MAPK4: variants seen among roughly 807,000 people sequenced by gnomAD.
The protein encoded by MAPK4 is mitogen-activated protein kinase 4.
In MAPK4, 22 loss-of-function variants were observed where a neutral mutation model predicts 47.7. The observed-to-expected ratio is 0.46, with a 90% confidence interval of 0.33 to 0.66. MAPK4 has a LOEUF of 0.66. Among genes scored for constraint, MAPK4 ranks in the 30% least tolerant of loss-of-function variants. The pLI is 0.02. For missense variants in MAPK4, 736 were observed against 831.7 expected, an observed-to-expected ratio of 0.88 and a Z score of 1.42; for synonymous variants, 390 against 365.7, an observed-to-expected ratio of 1.07 and a Z score of -0.76.
At chr18:50,629,084 G>C (rs751587633) in intron 1 of MAPK4, among the ~76,000 whole-genome samples, 24 of 152,182 alleles carry the variant, frequency 1.6e-4, no homozygotes, top group Non-Finnish European at 3.1e-4. Flanking sequence ...GCTTGACTTC[G>C]TTCTTTCTGC....
At chr18:50,712,095 T>A (rs982655195) in intron 2 of MAPK4, among the ~76,000 whole-genome samples, 1 of 152,192 alleles carries the variant, frequency 6.6e-6, no homozygotes, top group African/African-American at 2.4e-5. Flanking sequence ...CCTTCCCAAA[T>A]TCTTCTCAGC....
At chr18:50,586,113 C>T (rs1298440246) in intron 1 of MAPK4, among the ~76,000 whole-genome samples, 1 of 152,188 alleles carries the variant, frequency 6.6e-6, no homozygotes, top group Non-Finnish European at 1.5e-5. Flanking sequence ...ACAGGGACAT[C>T]TTATATCCAT....
At chr18:50,660,510 A>G (rs1373034683) in intron 1 of MAPK4, among the ~76,000 whole-genome samples, 1 of 152,192 alleles carries the variant, frequency 6.6e-6, no homozygotes, top group Admixed American at 6.5e-5. Flanking sequence ...TCTATGCTCT[A>G]CTTTGTGCCC....
At chr18:50,652,159 C>T (rs1179080123) in intron 1 of MAPK4, among the ~76,000 whole-genome samples, 1 of 152,186 alleles carries the variant, frequency 6.6e-6, no homozygotes, top group Non-Finnish European at 1.5e-5. Context: ...GCGGCAGGAC[C>T]AGAATCCAGG....
At chr18:50,660,647 G>A (rs2043160845) in intron 1 of MAPK4, among the ~76,000 whole-genome samples, 2 of 152,210 alleles carry the variant, frequency 1.3e-5, no homozygotes, top group Non-Finnish European at 2.9e-5. Context: ...CAGGAGTTTA[G>A]AAAAGGGAGA....
chr18:50,684,615 A>G (rs1236126725), intron 2 of MAPK4, among the ~76,000 whole-genome samples: 1 of 152,044 alleles, frequency 6.6e-6, no homozygotes, highest in African/African-American at 2.4e-5. Flanking sequence ...GGTGAGGAGA[A>G]GACACCTCCT....
At chr18:50,675,096 G>GC (rs1433060086) in intron 2 of MAPK4, among the ~76,000 whole-genome samples, 1 of 152,102 alleles carries the variant, frequency 6.6e-6, no homozygotes, top group Non-Finnish European at 1.5e-5. Context: ...TGCTGTTGTT[G>GC]CCCCCATTGT....
At chr18:50,585,636 T>G (rs1378773957) in intron 1 of MAPK4, among the ~76,000 whole-genome samples, 1 of 152,212 alleles carries the variant, frequency 6.6e-6, no homozygotes, top group African/African-American at 2.4e-5. Flanking sequence ...CTACTTACAC[T>G]AAGGCTATAC....
intron 2 of MAPK4, among the ~76,000 whole-genome samples, chr18:50,692,590 A>G (rs1460806638): frequency 6.6e-6 from 1 of 152,172 alleles, no homozygotes; most frequent in Non-Finnish European, 1.5e-5. Context: ...ACTAAATGAG[A>G]TAAAGAATGC....
intron 1 of MAPK4, among the ~76,000 whole-genome samples, chr18:50,655,555 C>G (rs1265491112): frequency 6.6e-6 from 1 of 152,156 alleles, no homozygotes; most frequent in Non-Finnish European, 1.5e-5. Flanking sequence ...GCCTGCACTC[C>G]TCTGGGGTGG....
At chr18:50,650,701 G>A (rs1262142935) in intron 1 of MAPK4, among the ~76,000 whole-genome samples, 5 of 152,200 alleles carry the variant, frequency 3.3e-5, no homozygotes, top group African/African-American at 7.2e-5. Context: ...TCCTGCCATC[G>A]CTTCCTGAGG....
rs116971425 is a variant in MAPK4, at chr18:50,616,364, C to G, written c.-870-46725C>G. Among the ~76,000 whole-genome samples the G allele has an allele frequency of 4.2e-3, 644 of 152,228 alleles. 1 individual carries two copies. The highest frequency in any genetic ancestry group is 7.5e-3 in the Non-Finnish European group (511 of 68,010). On this transcript the variant is annotated intron_variant, in intron 1 of 5. Coordinates refer to ENST00000400384, the MANE Select transcript of MAPK4 (RefSeq NM_002747.4). The stretch of plus-strand genomic sequence containing the variant: ...CTCCTCAGCCTCTGGAATGGGATTT[C>G]CTCATCCATAAAATATGGTCATTGT...
At chr18:50,610,200 C>T (rs746294487) in intron 1 of MAPK4, among the ~76,000 whole-genome samples, 3 of 152,144 alleles carry the variant, frequency 2.0e-5, no homozygotes, top group Non-Finnish European at 2.9e-5. Context: ...GAGATATAAC[C>T]ACAGGAAGCA....
intron 1 of MAPK4, among the ~76,000 whole-genome samples, chr18:50,615,311 A>G (rs1327350349): frequency 6.6e-6 from 1 of 152,254 alleles, no homozygotes; most frequent in Non-Finnish European, 1.5e-5. Flanking sequence ...TAAACAATTC[A>G]GAAATTTACT....
chr18:50,701,382 A>G (rs562988301), intron 2 of MAPK4, among the ~76,000 whole-genome samples: 1 of 152,294 alleles, frequency 6.6e-6, no homozygotes, highest in African/African-American at 2.4e-5. Context: ...TTTTGAGAGC[A>G]ATCTGTTAGC....
intron 1 of MAPK4, among the ~76,000 whole-genome samples, chr18:50,640,880 A>C (rs1568057846): frequency 6.6e-6 from 1 of 152,230 alleles, no homozygotes; most frequent in Non-Finnish European, 1.5e-5. Flanking sequence ...AGGAAGGGAC[A>C]ACTTAGAGAC....
At chr18:50,729,117 G>A (rs1233803414) in intron 5 of MAPK4, 41 bp from the exon 6 acceptor site, 2 of 1,500,346 alleles carry the variant, frequency 1.3e-6, no homozygotes, top group Non-Finnish European at 1.8e-6. Context: ...GAAGCTACCT[G>A]GCTTGGGCAT....
intron 1 of MAPK4, among the ~76,000 whole-genome samples, chr18:50,569,611 G>A (rs915349766): frequency 6.6e-6 from 1 of 152,220 alleles, no homozygotes; most frequent in African/African-American, 2.4e-5. Context: ...GGTTGGGCCA[G>A]TAAAGCCCCT....
intron 2 of MAPK4, among the ~76,000 whole-genome samples, chr18:50,675,702 G>C (rs974355079): frequency 2.0e-5 from 3 of 152,170 alleles, no homozygotes. Context: ...ATGTTGGCCA[G>C]GATGGTCTTG....
Sources: gnomAD v4.1 joint callset for allele counts (sites outside exome capture counted in the v4.1 genomes callset) on GRCh38, gnomAD v4.1.1 for gene constraint, MANE v1.5 for transcripts, NCBI Gene and HGNC (gene_info 2026-07-23, HGNC 2026-07-21) for gene names.